Variants in MAGI2 observed in about 807,000 individuals in gnomAD.
MAGI2 encodes membrane-associated guanylate kinase, WW and PDZ domain-containing protein 2.
MAGI2 carries 35 observed loss-of-function variants against 133.3 expected under a neutral mutation model. The observed-to-expected ratio is 0.26, with a 90% CI of 0.20 to 0.35. MAGI2 has a LOEUF of 0.35. Ranked by LOEUF, MAGI2 falls within the 10% of genes least tolerant of loss-of-function variation. The pLI is 1.00. For synonymous variants in MAGI2, 729 were observed against 710.6 expected, an observed-to-expected ratio of 1.03 and a Z score of -0.41; for missense variants, 1,636 against 1,863.4, an observed-to-expected ratio of 0.88 and a Z score of 2.25.
chr7:79,194,926 A>G (rs1827951378), intron 1 of MAGI2, among the ~76,000 whole-genome samples: 1 of 152,018 alleles, frequency 6.6e-6, no homozygotes, highest in African/African-American at 2.4e-5. Flanking sequence ...AATTCATGCT[A>G]TTAATAAAAT....
chr7:78,698,153 A>G (rs1385799367), intron 2 of MAGI2, among the ~76,000 whole-genome samples: 1 of 152,216 alleles, frequency 6.6e-6, no homozygotes, highest in East Asian at 1.9e-4. Flanking sequence ...ACAGGAAATT[A>G]TATTCATATT....
chr7:78,322,958 A>T (rs1230215224), intron 9 of MAGI2, among the ~76,000 whole-genome samples: 1 of 151,962 alleles, frequency 6.6e-6, no homozygotes, highest in Non-Finnish European at 1.5e-5. Context: ...CTTATAACTG[A>T]CTTGGAAGTC....
chr7:79,446,606 C>G (rs1005019121), intron 1 of MAGI2, among the ~76,000 whole-genome samples: 1 of 152,066 alleles, frequency 6.6e-6, no homozygotes, highest in Non-Finnish European at 1.5e-5. Context: ...TGAAACAAAT[C>G]TAGCCATTCA....
chr7:78,816,529 T>C (rs1172348594), intron 2 of MAGI2, among the ~76,000 whole-genome samples: 1 of 152,244 alleles, frequency 6.6e-6, no homozygotes, highest in Admixed American at 6.5e-5. Flanking sequence ...ATGACTCTCT[T>C]ATTAAGGGCT....
intron 6 of MAGI2, among the ~76,000 whole-genome samples, chr7:78,397,278 T>C (rs1032292549): frequency 7.2e-5 from 11 of 151,784 alleles, no homozygotes; most frequent in African/African-American, 2.4e-4. Context: ...CAGAGAAGGA[T>C]TGAGTCTATA....
At chr7:78,228,938 C>T (rs943553558) in intron 10 of MAGI2, among the ~76,000 whole-genome samples, 10 of 152,218 alleles carry the variant, frequency 6.6e-5, no homozygotes, top group African/African-American at 2.4e-4. Flanking sequence ...TTACCTAATA[C>T]ACTAGATTAT....
At chr7:78,614,783 C>A (rs1806893750) in intron 3 of MAGI2, 1 of 152,098 alleles carries the variant, frequency 6.6e-6, no homozygotes, top group Non-Finnish European at 1.5e-5. Context: ...TTACATTTGT[C>A]TGGCATTTTC....
chr7:78,775,036 G>A (rs1382776186), intron 2 of MAGI2, among the ~76,000 whole-genome samples: 7 of 151,566 alleles, frequency 4.6e-5, no homozygotes, highest in South Asian at 2.1e-4. Flanking sequence ...GGTCAGGGCC[G>A]GGCGCAGTGG....
intron 21 of MAGI2, among the ~76,000 whole-genome samples, chr7:78,047,415 G>A (rs537559121): frequency 8.5e-5 from 13 of 152,162 alleles, no homozygotes; most frequent in Non-Finnish European, 1.2e-4. Context: ...CTTTTAGAAG[G>A]CCGCCGAGCC....
intron 1 of MAGI2, among the ~76,000 whole-genome samples, chr7:79,235,783 C>G (rs982926850): frequency 1.3e-5 from 2 of 152,184 alleles, no homozygotes; most frequent in Admixed American, 6.5e-5. Context: ...AGCTGTAGAC[C>G]GGAGCTGTTC....
intron 2 of MAGI2, among the ~76,000 whole-genome samples, chr7:78,723,864 G>C (rs571680694): frequency 6.6e-6 from 1 of 152,264 alleles, no homozygotes; most frequent in East Asian, 1.9e-4. Context: ...GCCATGGGAG[G>C]AGGTAAGGTT....
At chr7:79,389,546 T>C (rs1039181289) in intron 1 of MAGI2, among the ~76,000 whole-genome samples, 2 of 152,170 alleles carry the variant, frequency 1.3e-5, no homozygotes, top group Non-Finnish European at 2.9e-5. Context: ...ATAATGCCTA[T>C]GTAAATAGCA....
intron 1 of MAGI2, among the ~76,000 whole-genome samples, chr7:79,328,791 C>A (rs1193367509): frequency 1.3e-5 from 2 of 152,150 alleles, no homozygotes; most frequent in African/African-American, 4.8e-5. Flanking sequence ...CTCTCTCTCT[C>A]TATTTTTCTT....
At chr7:78,474,873 A>G (rs918440303) in intron 6 of MAGI2, among the ~76,000 whole-genome samples, 3 of 151,846 alleles carry the variant, frequency 2.0e-5, no homozygotes, top group African/African-American at 7.2e-5. Context: ...AGGGAAGTCA[A>G]TTCAAAGGAG....
chr7:78,565,593 C>A (rs1176244196), intron 3 of MAGI2, among the ~76,000 whole-genome samples: 1 of 151,934 alleles, frequency 6.6e-6, no homozygotes, highest in African/African-American at 2.4e-5. Context: ...AAAAATCACA[C>A]CATTAAAACA....
intron 1 of MAGI2, among the ~76,000 whole-genome samples, chr7:79,103,933 C>T (rs1818218326): frequency 2.6e-5 from 4 of 152,102 alleles, no homozygotes; most frequent in African/African-American, 9.7e-5. Flanking sequence ...GATCTCCTGA[C>T]CTCATGATCC....
intron 1 of MAGI2, among the ~76,000 whole-genome samples, chr7:79,434,401 T>C (rs1187769271): frequency 6.6e-6 from 1 of 152,208 alleles, no homozygotes; most frequent in African/African-American, 2.4e-5. Context: ...CACAACAGTT[T>C]CAGTGTAAGG....
At chr7:78,775,106 G>A (rs1825881117) in intron 2 of MAGI2, among the ~76,000 whole-genome samples, 1 of 151,620 alleles carries the variant, frequency 6.6e-6, no homozygotes, top group Non-Finnish European at 1.5e-5. Context: ...GAGATCAGGA[G>A]ATCGAGACCA....
At chr7:78,762,151 T>TAGAGATTTTTGGATTAAAACAAGC (rs1439642894) in intron 2 of MAGI2, among the ~76,000 whole-genome samples, 2 of 152,164 alleles carry the variant, frequency 1.3e-5, no homozygotes, top group African/African-American at 4.8e-5. Context: ...CAAGAACAAG[T>TAGAGATTTTTGGATTAAAACAAGC]AGAGATTTTT....
Sources: allele counts gnomAD v4.1 joint callset (sites outside exome capture counted in the v4.1 genomes callset), GRCh38; gene constraint gnomAD v4.1.1; transcripts MANE v1.5; gene names NCBI Gene and HGNC (gene_info 2026-07-23, HGNC 2026-07-21).